Variants in MSH3 observed in about 807,000 individuals in gnomAD.
MSH3 encodes DNA mismatch repair protein Msh3.
Under a neutral mutation model 123.3 loss-of-function variants are expected in MSH3, and 106 were observed. That is an observed-to-expected ratio of 0.86 (90% CI 0.73 to 1.01). The LOEUF (loss-of-function observed/expected upper bound fraction) is 1.01, where lower values mean the gene tolerates loss of function less well. Among genes scored for constraint, MSH3 ranks in the 50% least tolerant of loss-of-function variants. The probability of loss-of-function intolerance (pLI) is 0.00; values close to 1 mark genes in which losing one functional copy is unlikely to be tolerated. For synonymous variants in MSH3, 515 were observed against 481.4 expected (o/e 1.07, Z -0.91); for missense variants, 1,459 against 1,347.6 (o/e 1.08, Z -1.29).
At chr5:80,693,956 G>A (rs1750411272) in intron 8 of MSH3, among the ~76,000 whole-genome samples, 1 of 152,080 alleles carries the variant, frequency 6.6e-6, no homozygotes, top group Admixed American at 6.6e-5. Flanking sequence ...CACCATGCCT[G>A]GCCAAAACTC....
At chr5:80,805,735 C>G (rs1744878598) in intron 19 of MSH3, among the ~76,000 whole-genome samples, 1 of 151,860 alleles carries the variant, frequency 6.6e-6, no homozygotes, top group Admixed American at 6.6e-5. Context: ...GCTGGAACTA[C>G]AGGCATGCGC....
intron 21 of MSH3, among the ~76,000 whole-genome samples, chr5:80,859,054 A>G (rs978610602): frequency 6.6e-6 from 1 of 152,108 alleles, no homozygotes; most frequent in Non-Finnish European, 1.5e-5. Flanking sequence ...TAGCTACTCT[A>G]ACTTCCTTTA....
At chr5:80,675,321 T>A (rs767623147) in intron 7 of MSH3, among the ~76,000 whole-genome samples, 193 bp downstream of exon 7, 2 of 152,188 alleles carry the variant, frequency 1.3e-5, no homozygotes, top group African/African-American at 2.4e-5. Context: ...TTGGTACTTG[T>A]AGCAGTCCAT....
Position 80,865,056 on chromosome 5 carries a change from A to G in MSH3, c.3130+114A>G, listed in dbSNP as rs537347998. 5.6e-5 allele frequency: 60 copies of G among 1,071,268 alleles called. No individual in the cohort carries two copies. The East Asian group carries it at 1.4e-3, about 24-fold the overall frequency. 66.4% of individuals were successfully genotyped at this position (1,071,268 alleles called of 1,614,324 possible). ...ATAATGAAAGCTGTGAATGTGAGCT[A>G]TAAATAACATTTGTCAGGATTCATT... On this transcript the variant is annotated intron_variant, in intron 22 of 23. Coordinates refer to ENST00000265081, the MANE Select transcript of MSH3 (RefSeq NM_002439.5).
chr5:80,755,410 A>G (rs1394215751), intron 12 of MSH3, among the ~76,000 whole-genome samples: 2 of 152,188 alleles, frequency 1.3e-5, no homozygotes, highest in Non-Finnish European at 2.9e-5. Context: ...GAGGAGAAGG[A>G]AATAAATATC....
intron 8 of MSH3, among the ~76,000 whole-genome samples, chr5:80,693,209 GTA>G (rs1422222614): frequency 0.066 from 717 of 10,938 alleles, 5 homozygotes; most frequent in Middle Eastern, 0.12. Flanking sequence ...ACATGCACAT[GTA>G]TATGTTTATA....
intron 13 of MSH3, among the ~76,000 whole-genome samples, chr5:80,766,838 C>T (rs1561470930): frequency 6.6e-6 from 1 of 151,792 alleles, no homozygotes; most frequent in Non-Finnish European, 1.5e-5. Context: ...CCTTCCATAC[C>T]TACTACCCAG....
At position 80,876,766 on chromosome 5, in the gene MSH3, A is replaced by G. The variant is rs1746316645; in HGVS notation, c.*904A>G. Among the ~76,000 whole-genome samples the G allele has an allele frequency of 6.6e-6, 1 of 152,228 alleles. No individual in the cohort carries two copies. Among genetic ancestry groups the G allele is most frequent in the Admixed American group, 6.5e-5 (1 of 15,276 alleles). On this transcript the variant is annotated 3_prime_UTR_variant, in exon 24 of 24. Transcript: ENST00000265081. ...AGCAGTTTAAAGATTGTTGGATGAAATTATTTGTCATTCATTCAAGTAATA... is the reference window on the plus strand; with the variant it reads ...AGCAGTTTAAAGATTGTTGGATGAAGTTATTTGTCATTCATTCAAGTAATA...
intron 17 of MSH3, among the ~76,000 whole-genome samples, chr5:80,781,991 A>T (rs1744418086): frequency 6.6e-6 from 1 of 152,196 alleles, no homozygotes; most frequent in South Asian, 2.1e-4. Context: ...TAAAAGTATG[A>T]TACAGTTTTA....
chr5:80,761,564 T>G lies in MSH3; in HGVS notation c.1782T>G (p.Leu594=). Reference sequence around the variant, plus strand: ...CTCACAGGGAAATAAATGCCCGGCTTGATGCTGTATCGGAAGTTCTCCATT... The same window carrying G: ...CTCACAGGGAAATAAATGCCCGGCTGGATGCTGTATCGGAAGTTCTCCATT... ...LLKLREINAR[L]DAVSEVLHSE... Residue 594 remains leucine (L), a synonymous_variant, in exon 13 of 24, where the codon CTT becomes CTG. Transcript: ENST00000265081. 6.2e-7 allele frequency: 1 copy of G among 1,614,154 alleles called. No homozygotes were observed. The highest frequency in any genetic ancestry group is 8.5e-7 in the Non-Finnish European group (1 of 1,179,992).
intron 3 of MSH3, 142 bp from the exon 4 acceptor site, chr5:80,669,955 C>T (rs1385914187): frequency 2.3e-5 from 17 of 742,174 alleles, no homozygotes; most frequent in East Asian, 1.9e-4. Flanking sequence ...GATAGTTTGC[C>T]GGAATGCTAC....
intron 2 of MSH3, among the ~76,000 whole-genome samples, chr5:80,663,756 A>G (rs916217537): frequency 2.0e-5 from 3 of 150,894 alleles, no homozygotes; most frequent in Non-Finnish European, 4.4e-5. Context: ...AGAGGTTTAA[A>G]TATAAATAGG....
At chr5:80,692,246 TTAGA>T (rs753270965) in intron 8 of MSH3, among the ~76,000 whole-genome samples, 6 of 69,228 alleles carry the variant, frequency 8.7e-5, no homozygotes, top group East Asian at 4.4e-4. Context: ...ATGTATATGT[TTAGA>T]TAGATAGATA....
Position 80,672,510 on chromosome 5 carries a change from T to C in MSH3, c.909+150T>C. On this transcript the variant is annotated intron_variant, in intron 5 of 23. Coordinates refer to ENST00000265081, the MANE Select transcript of MSH3 (RefSeq NM_002439.5). ...AAGTGTTTCATAATTATTAGTATTA[T>C]GTATTTATGAGTTTTTAACATATTG... The C allele has an allele frequency of 9.8e-6, 7 of 713,646 alleles. No individual in the cohort carries two copies. In the South Asian group the frequency reaches 1.0e-4, roughly 10 times the overall value. The allele number at this position is 713,646 out of a possible 1,614,324, so 44.2% of individuals were successfully genotyped here. A position where few individuals can be genotyped will look rare whatever the true frequency, so the allele number is the denominator to read the frequency against.
intron 17 of MSH3, among the ~76,000 whole-genome samples, chr5:80,787,228 T>C (rs1474020977): frequency 6.6e-6 from 1 of 152,218 alleles, no homozygotes; most frequent in East Asian, 1.9e-4. Flanking sequence ...TATTTCATGA[T>C]GTTATTGAAG....
rs375095092 is a variant in MSH3, at chr5:80,665,222, T to G, written c.438T>G (p.Leu146=). The change falls in exon 3 of 24, where the codon CTT becomes CTG. Residue 146 remains leucine, a synonymous_variant. Transcript: ENST00000265081. ...KLKEFCCDSA[L]PQSRVQTESL... is the part of the protein sequence containing the mutation. ...AAGAATTCTGCTGCGATTCTGCCCTTCCTCAAAGTAGAGTCCAGACAGAAT... is the reference window on the plus strand; with the variant it reads ...AAGAATTCTGCTGCGATTCTGCCCTGCCTCAAAGTAGAGTCCAGACAGAAT... The G allele has an allele frequency of 7.4e-6, 12 of 1,614,012 alleles. No individual in the cohort carries two copies. In the African/African-American group the frequency reaches 1.6e-4, roughly 22 times the overall value.
At chr5:80,802,516 C>T (rs1242674298) in intron 19 of MSH3, among the ~76,000 whole-genome samples, 1 of 152,010 alleles carries the variant, frequency 6.6e-6, no homozygotes, top group Non-Finnish European at 1.5e-5. Context: ...ATGTTACCCT[C>T]ACATGAGGGT....
At chr5:80,826,896 T>C (rs1441717386) in intron 20 of MSH3, among the ~76,000 whole-genome samples, 2 of 152,200 alleles carry the variant, frequency 1.3e-5, no homozygotes, top group Non-Finnish European at 2.9e-5. Context: ...AATCTTTTCC[T>C]GAATAAGAAG....
chr5:80,862,853 A>G (rs62365492), intron 21 of MSH3, among the ~76,000 whole-genome samples: 141 of 152,356 alleles, frequency 9.3e-4, no homozygotes, highest in Admixed American at 1.4e-3. Context: ...CCTCTGCTTT[A>G]CAGAATACCA....
Sources: gnomAD v4.1 joint callset for allele counts (sites outside exome capture counted in the v4.1 genomes callset) on GRCh38, gnomAD v4.1.1 for gene constraint, MANE v1.5 for transcripts, NCBI Gene and HGNC (gene_info 2026-07-23, HGNC 2026-07-21) for gene names.